RFX7: variants seen among roughly 807,000 people sequenced by gnomAD.
The protein encoded by RFX7 is regulatory factor X7.
A neutral mutation model predicts 111.8 loss-of-function variants in RFX7; 26 were observed. That is an observed-to-expected ratio of 0.23 (90% confidence interval 0.17 to 0.32). The LOEUF (loss-of-function observed/expected upper bound fraction) is 0.32, where lower values mean the gene tolerates loss of function less well. Ranked by LOEUF, RFX7 falls within the 10% of genes least tolerant of loss-of-function variation. RFX7 has a pLI of 1.00. For missense variants in RFX7, 1,573 were observed against 1,772.9 expected, an observed-to-expected ratio of 0.89 and a Z score of 2.02; for synonymous variants, 624 against 624.4, an observed-to-expected ratio of 1.00 and a Z score of 0.01.
At chr15:56,161,085 A>G (rs1451869668) in intron 3 of RFX7, among the ~76,000 whole-genome samples, 1 of 152,116 alleles carries the variant, frequency 6.6e-6, no homozygotes, top group Non-Finnish European at 1.5e-5. Context: ...TTCTGCTCAA[A>G]GATAAGGAGT....
rs1425242972 is a variant in RFX7, at chr15:56,088,908, A to G, written c.*4437T>C. ...AGTATACATACTGTTGGCACTTAAC[A>G]AAGAACATGTACTTAACTCTTTATG... On this transcript the variant is annotated 3_prime_UTR_variant, in exon 10 of 10. Transcript: ENST00000559447. The G allele has an allele frequency of 1.3e-5, 2 of 152,162 alleles. No individual in the cohort carries two copies. The highest frequency in any genetic ancestry group is 4.8e-5 in the African/African-American group (2 of 41,428). 9.4% of individuals were successfully genotyped at this position (152,162 alleles called of 1,614,324 possible).
At chr15:56,178,267 TTAGC>T (rs1328055503) in intron 3 of RFX7, among the ~76,000 whole-genome samples, 1 of 151,608 alleles carries the variant, frequency 6.6e-6, no homozygotes, top group Non-Finnish European at 1.5e-5. Flanking sequence ...AAGTCCTCTT[TTAGC>T]TAGCTATTAG....
chr15:56,119,752 G>C (rs367731362), intron 5 of RFX7, among the ~76,000 whole-genome samples: 36 of 151,024 alleles, frequency 2.4e-4, no homozygotes, highest in Middle Eastern at 3.4e-3. Context: ...ACTCCAGCCT[G>C]GGTGACAGAG....
chr15:56,214,298 T>G (rs2043341083), intron 2 of RFX7, among the ~76,000 whole-genome samples: 1 of 151,850 alleles, frequency 6.6e-6, no homozygotes, highest in Non-Finnish European at 1.5e-5. Flanking sequence ...TTGATTAAAA[T>G]TTCATTGAAT....
chr15:56,147,614 C>T (rs2042498170), intron 3 of RFX7, among the ~76,000 whole-genome samples: 1 of 151,608 alleles, frequency 6.6e-6, no homozygotes, highest in Non-Finnish European at 1.5e-5. Context: ...TGCTGTGTCG[C>T]CCAGGCTGGA....
chr15:56,209,273 C>G (rs1463845302), intron 2 of RFX7, among the ~76,000 whole-genome samples: 1 of 150,894 alleles, frequency 6.6e-6, no homozygotes, highest in Non-Finnish European at 1.5e-5. Flanking sequence ...GAGTGAAACA[C>G]TCGAGAGTGT....
chr15:56,102,132 A>G (rs1314627237), intron 7 of RFX7, 37 bp downstream of exon 7: 2 of 1,449,414 alleles, frequency 1.4e-6, no homozygotes, highest in Non-Finnish European at 1.9e-6. Context: ...ATAAAGGTAC[A>G]ATTTTACTTA....
At chr15:56,224,466 T>TG (rs1288921947) in intron 2 of RFX7, among the ~76,000 whole-genome samples, 64 of 67,744 alleles carry the variant, frequency 9.4e-4, no homozygotes, top group East Asian at 3.3e-3. Context: ...AGATTAGGAT[T>TG]TTGTGTGTGT....
intron 3 of RFX7, among the ~76,000 whole-genome samples, chr15:56,171,416 C>A (rs561325335): frequency 2.0e-5 from 3 of 151,846 alleles, no homozygotes; most frequent in African/African-American, 7.3e-5. Context: ...CTGATAAAAG[C>A]GAGGCTGAAA....
At chr15:56,159,514 C>G (rs1278011243) in intron 3 of RFX7, among the ~76,000 whole-genome samples, 1 of 152,124 alleles carries the variant, frequency 6.6e-6, no homozygotes, top group Non-Finnish European at 1.5e-5. Flanking sequence ...TTTTCCTAAG[C>G]TATCGACATA....
At chr15:56,223,245 C>A (rs1339973531) in intron 2 of RFX7, among the ~76,000 whole-genome samples, 2 of 152,070 alleles carry the variant, frequency 1.3e-5, no homozygotes, top group Admixed American at 1.3e-4. Context: ...CAGAATGATC[C>A]CCATAAAGGT....
At chr15:56,140,370 C>T (rs1399936810) in intron 5 of RFX7, among the ~76,000 whole-genome samples, 1 of 152,178 alleles carries the variant, frequency 6.6e-6, no homozygotes, top group Non-Finnish European at 1.5e-5. Flanking sequence ...GTGGGAGTGA[C>T]CCGATTTTCC....
At chr15:56,136,759 T>C (rs1381059022) in intron 5 of RFX7, among the ~76,000 whole-genome samples, 1 of 142,706 alleles carries the variant, frequency 7.0e-6, no homozygotes, top group Non-Finnish European at 1.5e-5. Context: ...GGGTTTGTCA[T>C]AGATAGCTCT....
At chr15:56,140,847 C>T (rs1486899538) in intron 5 of RFX7, among the ~76,000 whole-genome samples, 2 of 152,034 alleles carry the variant, frequency 1.3e-5, no homozygotes, top group African/African-American at 4.8e-5. Flanking sequence ...AAAACATAAC[C>T]ATGTCTTGCC....
chr15:56,209,380 G>A (rs57711476), intron 2 of RFX7, among the ~76,000 whole-genome samples: 93 of 151,824 alleles, frequency 6.1e-4, no homozygotes, highest in African/African-American at 2.1e-3. Context: ...AACAAAAATC[G>A]AGGGAATTTG....
intron 2 of RFX7, among the ~76,000 whole-genome samples, chr15:56,218,081 T>G (rs1317296200): frequency 6.8e-6 from 1 of 146,522 alleles, no homozygotes; most frequent in East Asian, 2.1e-4. Context: ...CAATATAGTA[T>G]AAAAACGATT....
chr15:56,097,323 G>A (rs2041692448), intron 9 of RFX7, among the ~76,000 whole-genome samples: 1 of 152,112 alleles, frequency 6.6e-6, no homozygotes, highest in African/African-American at 2.4e-5. Flanking sequence ...ACTAGCTAAA[G>A]AACTTGGCCA....
In RFX7 at chr15:56,153,416, C is replaced by T. The variant is rs147440038; in HGVS notation, c.196-8933G>A. Among the ~76,000 whole-genome samples the T allele has an allele frequency of 4.2e-3, 633 of 152,312 alleles. 10 individuals carry two copies. Among genetic ancestry groups the T allele is most frequent in the African/African-American group, 0.015 (612 of 41,564 alleles). On this transcript the variant is annotated intron_variant, in intron 3 of 9. Coordinates refer to ENST00000559447, the MANE Select transcript of RFX7 (RefSeq NM_022841.7). ...CAAGGCTTGTTCACCATACACAAATCAATATACATAATCCATTCACATAAA... is the reference window on the plus strand; with the variant it reads ...CAAGGCTTGTTCACCATACACAAATTAATATACATAATCCATTCACATAAA...
chr15:56,213,035 T>C (rs1204965260), intron 2 of RFX7, among the ~76,000 whole-genome samples: 2 of 152,144 alleles, frequency 1.3e-5, no homozygotes, highest in East Asian at 1.9e-4. Flanking sequence ...CTGGCAAGGA[T>C]ATTGAAAAAC....
Sources: allele counts gnomAD v4.1 joint callset (sites outside exome capture counted in the v4.1 genomes callset), GRCh38; gene constraint gnomAD v4.1.1; transcripts MANE v1.5; gene names NCBI Gene and HGNC (gene_info 2026-07-23, HGNC 2026-07-21).